EFCAB6: variants seen among roughly 807,000 people sequenced by gnomAD.
The protein encoded by EFCAB6 is EF-hand calcium-binding domain-containing protein 6.
EFCAB6 carries 156 observed loss-of-function variants against 169.8 expected under a neutral mutation model. That is an observed-to-expected ratio of 0.92 (90% CI 0.81 to 1.05). EFCAB6 has a LOEUF of 1.05. Ranked by LOEUF, EFCAB6 falls within the 50% of genes least tolerant of loss-of-function variation. EFCAB6 has a pLI of 0.00. For synonymous variants in EFCAB6, 698 were observed against 676.4 expected (o/e 1.03, Z -0.50); for missense variants, 1,800 against 1,829.1 (o/e 0.98, Z 0.29).
At chr22:43,741,722 T>G (rs1327012570) in intron 6 of EFCAB6, among the ~76,000 whole-genome samples, 1 of 152,176 alleles carries the variant, frequency 6.6e-6, no homozygotes, top group Non-Finnish European at 1.5e-5. Context: ...CTGCGGCCCT[T>G]CCCTGTCCTG....
chr22:43,731,375 C>A lies in EFCAB6; in HGVS notation c.757+324G>T, dbSNP rs190656289. On this transcript the variant is annotated intron_variant, in intron 8 of 31. Coordinates refer to ENST00000262726, the MANE Select transcript of EFCAB6 (RefSeq NM_022785.4). ...AACAAAATCACAGCCAGGGGCATCT[C>A]ACTTAAGGACAACCTGAGTATTTTG... Among the ~76,000 whole-genome samples, 96 of 152,302 alleles carry A rather than the reference C, an allele frequency of 6.3e-4. 3 individuals carry two copies. The East Asian group carries it at 0.016, about 26-fold the overall frequency.
At chr22:43,614,028 T>C (rs1048251421) in intron 21 of EFCAB6, among the ~76,000 whole-genome samples, 1 of 151,990 alleles carries the variant, frequency 6.6e-6, no homozygotes, top group Admixed American at 6.6e-5. Context: ...AAAACCTAAA[T>C]AGAGACATTC....
intron 5 of EFCAB6, among the ~76,000 whole-genome samples, chr22:43,758,880 C>T (rs2061050232): frequency 1.3e-5 from 2 of 152,130 alleles, no homozygotes; most frequent in Admixed American, 6.5e-5. Context: ...ATCAAATTAA[C>T]CTTTAGAGGC....
intron 27 of EFCAB6, among the ~76,000 whole-genome samples, chr22:43,541,761 C>T (rs1299629008): frequency 6.6e-6 from 1 of 152,192 alleles, no homozygotes; most frequent in Non-Finnish European, 1.5e-5. Context: ...CCCCTGACAC[C>T]TTCCCATGTG....
In EFCAB6 at chr22:43,600,266, T is replaced by C. The variant is rs542741784; in HGVS notation, c.2682-3A>G. 1.6e-4 allele frequency: 264 copies of C among 1,612,966 alleles called. No homozygotes were observed. The highest frequency in any genetic ancestry group is 7.2e-4 in the Admixed American group (43 of 59,712). ...GCCCTTTTCCCTCGGTGTCGTATCT[T>C]AAAACAAAAACAAAAACAGAAAGCA... On this transcript the variant is annotated splice_polypyrimidine_tract_variant and splice_region_variant and intron_variant, in intron 22 of 31. Transcript: ENST00000262726.
chr22:43,600,430 T>C (rs1455403862), intron 22 of EFCAB6, among the ~76,000 whole-genome samples, 167 bp from the exon 23 acceptor site: 1 of 152,122 alleles, frequency 6.6e-6, no homozygotes, highest in Non-Finnish European at 1.5e-5. Context: ...CTGGCAGAGC[T>C]GGAAATGCGT....
rs915125601 is a variant in EFCAB6 at position 43,795,496 on chromosome 22, G to A, written c.-7-13171C>T. Among the ~76,000 whole-genome samples the A allele has an allele frequency of 2.0e-5, 3 of 152,082 alleles. No homozygotes were observed. Among genetic ancestry groups the A allele is most frequent in the Admixed American group, 6.6e-5 (1 of 15,262 alleles). On this transcript the variant is annotated intron_variant, in intron 2 of 31. Transcript: ENST00000262726. This position sits in a 1 kb window ranked among gnomAD's most constrained non-coding sequence, Gnocchi z 4.2. ...CCTCTCACGGCCCCATGGGTCCCTCGGCCCTGCTCCACCCCAGCCGATTCC... is the reference window on the plus strand; with the variant it reads ...CCTCTCACGGCCCCATGGGTCCCTCAGCCCTGCTCCACCCCAGCCGATTCC...
intron 17 of EFCAB6, among the ~76,000 whole-genome samples, chr22:43,666,500 C>T (rs909548577): frequency 6.6e-6 from 1 of 152,160 alleles, no homozygotes; most frequent in African/African-American, 2.4e-5. Flanking sequence ...AACTGAAATG[C>T]TTTCCTTAAA....
intron 26 of EFCAB6, among the ~76,000 whole-genome samples, chr22:43,562,535 G>GGGTGGGAGGGAGGCAGCCCAGTCAGA (rs1277056272): frequency 4.0e-5 from 6 of 148,768 alleles, no homozygotes; most frequent in Admixed American, 4.0e-4. Context: ...GCCCGGTCAG[G>GGGTGGGAGGGAGGCAGCCCAGTCAGA]GGTGGGAGGG....
intron 26 of EFCAB6, among the ~76,000 whole-genome samples, chr22:43,571,894 C>G (rs2049898884): frequency 6.6e-6 from 1 of 152,182 alleles, no homozygotes; most frequent in African/African-American, 2.4e-5. Context: ...AAATCATTTG[C>G]TCAAGGATTT....
intron 6 of EFCAB6, among the ~76,000 whole-genome samples, chr22:43,739,250 C>T (rs1227467510): frequency 6.6e-6 from 1 of 152,228 alleles, no homozygotes; most frequent in Non-Finnish European, 1.5e-5. Flanking sequence ...CCTCATCTTG[C>T]TGTCCCAGCA....
At chr22:43,615,098 G>A (rs1458872421) in intron 21 of EFCAB6, among the ~76,000 whole-genome samples, 1 of 152,260 alleles carries the variant, frequency 6.6e-6, no homozygotes, top group Non-Finnish European at 1.5e-5. Context: ...GAAAGAAAAT[G>A]ACCAAGTGAA....
chr22:43,634,422 G>T (rs78632603), intron 18 of EFCAB6, among the ~76,000 whole-genome samples: 29 of 152,072 alleles, frequency 1.9e-4, no homozygotes, highest in Non-Finnish European at 3.2e-4. Context: ...ACCTCACACG[G>T]TCATCTCCAG....
chr22:43,551,129 T>C (rs2048355432), intron 27 of EFCAB6, among the ~76,000 whole-genome samples: 1 of 152,240 alleles, frequency 6.6e-6, no homozygotes, highest in Non-Finnish European at 1.5e-5. Flanking sequence ...TCCTGGCGTC[T>C]TCTGCGAGCT....
rs184375352 is a variant in EFCAB6, at chr22:43,642,845, G to A, written c.1984-7629C>T. 1.4e-3 allele frequency among the ~76,000 whole-genome samples: 215 copies of A among 152,318 alleles called. 1 individual carries two copies. The highest frequency in any genetic ancestry group is 4.8e-3 in the African/African-American group (199 of 41,574). On this transcript the variant is annotated intron_variant, in intron 17 of 31. Coordinates refer to ENST00000262726, the MANE Select transcript of EFCAB6 (RefSeq NM_022785.4). ...CTCAGGATGCTGTTGCCAGCTGTGA[G>A]TGCAGATAAATAATGGGATTTCCTT...
intron 8 of EFCAB6, among the ~76,000 whole-genome samples, chr22:43,728,902 CTTTAG>C (rs2059835471): frequency 6.6e-6 from 1 of 152,212 alleles, no homozygotes. Flanking sequence ...CACAGAAGCT[CTTTAG>C]TTTAATTAGA....
intron 6 of EFCAB6, among the ~76,000 whole-genome samples, chr22:43,737,318 T>A (rs2060177959): frequency 6.6e-6 from 1 of 150,812 alleles, no homozygotes; most frequent in Non-Finnish European, 1.5e-5. Flanking sequence ...ACACCATCAC[T>A]CACACACACA....
At position 43,680,898 on chromosome 22, in the gene EFCAB6, C is replaced by T. The variant is rs1473283472; in HGVS notation, c.1252-2735G>A. ...GAATTTTCTACACACAAGATTGTAT[C>T]GTCTGTGTACAAAGACAGTTTTACT... On this transcript the variant is annotated intron_variant, in intron 12 of 31. Coordinates refer to ENST00000262726, the MANE Select transcript of EFCAB6 (RefSeq NM_022785.4). Among the ~76,000 whole-genome samples, 3 of 152,204 alleles carry T rather than the reference C, an allele frequency of 2.0e-5. No individual in the cohort carries two copies. In the East Asian group the frequency reaches 5.8e-4, roughly 29 times the overall value.
chr22:43,621,345 G>A (rs1193490787), intron 20 of EFCAB6, among the ~76,000 whole-genome samples: 3 of 151,752 alleles, frequency 2.0e-5, no homozygotes, highest in South Asian at 2.1e-4. Flanking sequence ...CAAGTGATCC[G>A]CCCACCTCAG....
Sources: allele counts gnomAD v4.1 joint callset (sites outside exome capture counted in the v4.1 genomes callset), GRCh38; gene constraint gnomAD v4.1.1; non-coding constraint Gnocchi (gnomAD v3.1); transcripts MANE v1.5; gene names NCBI Gene and HGNC (gene_info 2026-07-23, HGNC 2026-07-21).